RGS7: variants seen among roughly 807,000 people sequenced by gnomAD.
RGS7 encodes the protein regulator of G-protein signaling 7.
RGS7 carries 27 observed loss-of-function variants against 81.1 expected under a neutral mutation model. That is an observed-to-expected ratio of 0.33 (90% confidence interval 0.25 to 0.46). The LOEUF is 0.46. Ranked by LOEUF, RGS7 falls within the 20% of genes least tolerant of loss-of-function variation. The pLI is 1.00. For missense variants in RGS7, 396 were observed against 607.4 expected (o/e 0.65, Z 3.66); for synonymous variants, 208 against 207.7 (o/e 1.00, Z -0.01).
chr1:241,350,299 A>T (rs2083156375), intron 2 of RGS7, among the ~76,000 whole-genome samples: 1 of 152,210 alleles, frequency 6.6e-6, no homozygotes, highest in Non-Finnish European at 1.5e-5. Flanking sequence ...ACTGAGATAA[A>T]AACAGATCTG....
intron 2 of RGS7, among the ~76,000 whole-genome samples, chr1:241,171,846 A>G (rs1163561037): frequency 6.6e-6 from 1 of 152,186 alleles, no homozygotes. Context: ...AGGTGAAAAA[A>G]CAAAACAAAA....
intron 6 of RGS7, among the ~76,000 whole-genome samples, chr1:240,883,030 T>A (rs1666690446): frequency 6.6e-6 from 1 of 152,174 alleles, no homozygotes; most frequent in South Asian, 2.1e-4. Flanking sequence ...CTGAGAATGA[T>A]GGTTTCCAGT....
intron 9 of RGS7, among the ~76,000 whole-genome samples, chr1:240,857,525 G>A (rs1254015420): frequency 6.6e-6 from 1 of 151,780 alleles, no homozygotes; most frequent in South Asian, 2.1e-4. Flanking sequence ...CTAAAAATCT[G>A]TGCTCTTCCT....
At chr1:240,877,493 A>AAATTTT (rs1433573944) in intron 6 of RGS7, among the ~76,000 whole-genome samples, 2 of 152,086 alleles carry the variant, frequency 1.3e-5, no homozygotes, top group Non-Finnish European at 2.9e-5. Context: ...AGTGTGCTCA[A>AAATTTT]AACTGTACCA....
intron 2 of RGS7, among the ~76,000 whole-genome samples, chr1:241,298,204 C>G (rs1338086338): frequency 6.6e-6 from 1 of 152,088 alleles, no homozygotes; most frequent in Non-Finnish European, 1.5e-5. Context: ...AGAAGAATCA[C>G]AACGCCCAAC....
intron 3 of RGS7, among the ~76,000 whole-genome samples, chr1:241,058,058 C>T (rs781595234): frequency 6.6e-6 from 1 of 151,950 alleles, no homozygotes; most frequent in South Asian, 2.1e-4. Flanking sequence ...AATAATTGGT[C>T]GCAGCCAGCA....
intron 2 of RGS7, among the ~76,000 whole-genome samples, chr1:241,127,879 A>C (rs2066782221): frequency 1.3e-5 from 2 of 152,214 alleles, no homozygotes; most frequent in Non-Finnish European, 2.9e-5. Context: ...AGGATGATAA[A>C]TTTCAACCAA....
intron 2 of RGS7, among the ~76,000 whole-genome samples, chr1:241,161,212 G>T (rs530121247): frequency 7.2e-5 from 11 of 152,254 alleles, no homozygotes; most frequent in African/African-American, 2.6e-4. Context: ...CCAGGAGAAA[G>T]GGCCATAGTG....
intron 6 of RGS7, among the ~76,000 whole-genome samples, chr1:240,928,159 T>C (rs1447878534): frequency 2.6e-5 from 4 of 152,200 alleles, no homozygotes; most frequent in African/African-American, 7.2e-5. Context: ...AGAGCAAATA[T>C]ACTTTTCCTC....
At chr1:241,158,192 C>T (rs2069338955) in intron 2 of RGS7, among the ~76,000 whole-genome samples, 1 of 152,026 alleles carries the variant, frequency 6.6e-6, no homozygotes, top group South Asian at 2.1e-4. Context: ...TTTTGATCCA[C>T]AATAGCATAG....
intron 2 of RGS7, among the ~76,000 whole-genome samples, chr1:241,309,539 G>A (rs903888693): frequency 4.6e-5 from 7 of 152,166 alleles, no homozygotes; most frequent in East Asian, 1.9e-4. Context: ...TTCAAGTGCC[G>A]TGGCATCTGG....
chr1:241,016,030 A>T (rs1383569111), intron 3 of RGS7, among the ~76,000 whole-genome samples: 2 of 152,312 alleles, frequency 1.3e-5, no homozygotes, highest in East Asian at 3.9e-4. Context: ...TTTATTGTTT[A>T]ATTCAGAGGT....
intron 6 of RGS7, among the ~76,000 whole-genome samples, chr1:240,886,443 TA>T (rs1381227949): frequency 6.6e-6 from 1 of 152,204 alleles, no homozygotes; most frequent in African/African-American, 2.4e-5. Context: ...GACACTAAAA[TA>T]ACTGTATCCA....
intron 6 of RGS7, among the ~76,000 whole-genome samples, chr1:240,886,765 C>A (rs1667398873): frequency 6.6e-6 from 1 of 152,206 alleles, no homozygotes; most frequent in Non-Finnish European, 1.5e-5. Flanking sequence ...AATTTTCAAT[C>A]TTTTTCTCCC....
intron 11 of RGS7, among the ~76,000 whole-genome samples, chr1:240,816,102 G>A (rs1690750359): frequency 6.6e-6 from 1 of 152,054 alleles, no homozygotes; most frequent in African/African-American, 2.4e-5. Context: ...AAGAGTGAGG[G>A]GTTTTGAAAA....
At chr1:241,026,222 C>T (rs943328905) in intron 3 of RGS7, among the ~76,000 whole-genome samples, 37 of 152,172 alleles carry the variant, frequency 2.4e-4, no homozygotes, top group African/African-American at 8.4e-4. Context: ...AGAGGGAACT[C>T]GGTAACATTT....
intron 3 of RGS7, among the ~76,000 whole-genome samples, chr1:240,985,323 C>T (rs909018817): frequency 1.3e-5 from 2 of 152,210 alleles, no homozygotes; most frequent in Non-Finnish European, 2.9e-5. Context: ...CTTTTGAAGA[C>T]AGCCAAACAT....
At position 240,827,186 on chromosome 1, in the gene RGS7, A is replaced by C; in HGVS notation, c.610-14T>G. ...TACACATCCAGGCTGGGAATGGAAAAACAGAGAGACAAATGAATCTTTGGG... is the reference window on the plus strand; with the variant it reads ...TACACATCCAGGCTGGGAATGGAAACACAGAGAGACAAATGAATCTTTGGG... On this transcript the variant is annotated splice_polypyrimidine_tract_variant and intron_variant, in intron 9 of 18. Transcript: ENST00000440928. The C allele has an allele frequency of 6.3e-7, 1 of 1,597,992 alleles. No individual in the cohort carries two copies. The highest frequency in any genetic ancestry group is 8.6e-7 in the Non-Finnish European group (1 of 1,165,358).
chr1:241,153,086 C>T (rs112791324), intron 2 of RGS7, among the ~76,000 whole-genome samples: 59 of 152,282 alleles, frequency 3.9e-4, no homozygotes, highest in African/African-American at 1.4e-3. Flanking sequence ...ATTTCCCATA[C>T]GAGCATCACT....
Sources: allele counts gnomAD v4.1 joint callset (sites outside exome capture counted in the v4.1 genomes callset), GRCh38; gene constraint gnomAD v4.1.1; transcripts MANE v1.5; gene names NCBI Gene and HGNC (gene_info 2026-07-23, HGNC 2026-07-21).